Variants in TAB2 observed in about 807,000 individuals in gnomAD.
The protein encoded by TAB2 is TGF-beta-activated kinase 1 and MAP3K7-binding protein 2.
A neutral mutation model predicts 65.0 loss-of-function variants in TAB2; 3 were observed. The observed-to-expected ratio is 0.05, with a 90% CI of 0.02 to 0.12. TAB2 has a LOEUF of 0.12. Ranked by LOEUF, TAB2 falls within the 10% of genes least tolerant of loss-of-function variation. The probability of loss-of-function intolerance (pLI) is 1.00; values close to 1 mark genes in which losing one functional copy is unlikely to be tolerated. For synonymous variants in TAB2, 298 were observed against 285.1 expected (o/e 1.05, Z -0.46); for missense variants, 623 against 840.3 (o/e 0.74, Z 3.20).
chr6:149,299,250 G>A (rs1583071806), intron 1 of TAB2, among the ~76,000 whole-genome samples: 1 of 152,272 alleles, frequency 6.6e-6, no homozygotes, highest in South Asian at 2.1e-4. Context: ...GTGTCTATTG[G>A]CCACTGGTCT....
In TAB2 at chr6:149,236,944, A is replaced by G. The variant is rs183898635; in HGVS notation, c.-121+18168A>G. Among the ~76,000 whole-genome samples the G allele has an allele frequency of 1.2e-4, 18 of 152,320 alleles. No individual in the cohort carries two copies. The East Asian group carries it at 3.3e-3, about 28-fold the overall frequency. On this transcript the variant is annotated intron_variant, in intron 1 of 1. Coordinates refer to the TAB2 transcript ENST00000606202. The stretch of plus-strand genomic sequence containing the variant: ...TGTAAGACTGATATTTTGCTGCATT[A>G]TATTTGGTCCAACATGCCACAGCAG...
intron 1 of TAB2, among the ~76,000 whole-genome samples, chr6:149,305,218 G>T (rs1779043537): frequency 6.6e-6 from 1 of 152,134 alleles, no homozygotes; most frequent in East Asian, 1.9e-4. Context: ...TTTTGTCATG[G>T]ATAGAATGTC....
intron 1 of TAB2, among the ~76,000 whole-genome samples, chr6:149,286,194 A>G (rs1778673682): frequency 6.6e-6 from 1 of 152,230 alleles, no homozygotes; most frequent in Non-Finnish European, 1.5e-5. Context: ...TCATGGTCTT[A>G]AGATTTGCGA....
At chr6:149,332,003 C>G (rs550153419) in intron 1 of TAB2, among the ~76,000 whole-genome samples, 1 of 152,196 alleles carries the variant, frequency 6.6e-6, no homozygotes, top group East Asian at 1.9e-4. Flanking sequence ...GTTTCAAACT[C>G]TGTGTGGGAA....
chr6:149,273,450 C>T (rs1778401355), intron 1 of TAB2, among the ~76,000 whole-genome samples: 1 of 152,188 alleles, frequency 6.6e-6, no homozygotes, highest in Non-Finnish European at 1.5e-5. Flanking sequence ...CTGTCAGTGC[C>T]ATGCTCTGAG....
intron 1 of TAB2, among the ~76,000 whole-genome samples, chr6:149,281,300 G>A (rs1272638592): frequency 6.6e-6 from 1 of 151,996 alleles, no homozygotes; most frequent in Non-Finnish European, 1.5e-5. Context: ...GAACTGGTAC[G>A]ATATCCCTTG....
chr6:149,410,950 G>T lies in TAB2; in HGVS notation c.*1231G>T, dbSNP rs148113246. 22 of 152,510 alleles carry T rather than the reference G, an allele frequency of 1.4e-4. No individual in the cohort carries two copies. The highest frequency in any genetic ancestry group is 4.6e-4 in the African/African-American group (19 of 41,492). The allele number at this position is 152,510 out of a possible 1,614,324, so 9.4% of individuals were successfully genotyped here. A position where few individuals can be genotyped will look rare whatever the true frequency, so the allele number is the denominator to read the frequency against. ...GCAGTCCATTTCTAATCCTGACTTG[G>T]TGACAGTATCATGTGTATTTATAAA... is the stretch of plus-strand genomic sequence containing the variant. On this transcript the variant is annotated 3_prime_UTR_variant, in exon 7 of 7. Coordinates refer to ENST00000637181, the MANE Select transcript of TAB2 (RefSeq NM_001292034.3).
intron 1 of TAB2, among the ~76,000 whole-genome samples, chr6:149,339,104 G>A (rs556794820): frequency 2.0e-5 from 3 of 152,268 alleles, no homozygotes; most frequent in South Asian, 4.1e-4. Context: ...AGTGGCTCAC[G>A]CCTGTAATCC....
At chr6:149,403,313 T>TATATATACATAC (rs1298336581) in intron 6 of TAB2, among the ~76,000 whole-genome samples, 1 of 66,870 alleles carries the variant, frequency 1.5e-5, no homozygotes, top group African/African-American at 6.5e-5. Flanking sequence ...TATATATATA[T>TATATATACATAC]ACACACACAT....
intron 1 of TAB2, among the ~76,000 whole-genome samples, chr6:149,357,851 C>T (rs1027878134): frequency 9.9e-5 from 15 of 152,184 alleles, no homozygotes; most frequent in African/African-American, 3.6e-4. Flanking sequence ...AGGCATCCAC[C>T]CCTACGCCCG....
chr6:149,265,079 A>G (rs569569107), intron 1 of TAB2, among the ~76,000 whole-genome samples: 102 of 150,578 alleles, frequency 6.8e-4, no homozygotes, highest in South Asian at 4.2e-4. Context: ...TGATTTAGAC[A>G]AATTTAGTCT....
chr6:149,328,584 AC>A (rs1440500568), intron 1 of TAB2, among the ~76,000 whole-genome samples: 1 of 152,098 alleles, frequency 6.6e-6, no homozygotes. Flanking sequence ...GAGCCACCGC[AC>A]CCGGCCTCTA....
intron 1 of TAB2, among the ~76,000 whole-genome samples, chr6:149,340,631 G>A (rs1323613837): frequency 6.6e-6 from 1 of 152,090 alleles, no homozygotes; most frequent in Non-Finnish European, 1.5e-5. Context: ...TTTATCTGAA[G>A]TGGTTTTTTT....
chr6:149,271,185 G>A (rs891822097), intron 1 of TAB2, among the ~76,000 whole-genome samples: 3 of 152,018 alleles, frequency 2.0e-5, no homozygotes, highest in African/African-American at 7.3e-5. Context: ...TCCAGCCTGA[G>A]TGACAGAGTG....
chr6:149,379,525 T>C lies in TAB2; in HGVS notation c.1603+7T>C, dbSNP rs748367877. The C allele has an allele frequency of 1.4e-5, 22 of 1,613,878 alleles. No individual in the cohort carries two copies. The highest frequency in any genetic ancestry group is 1.8e-5 in the Non-Finnish European group (21 of 1,179,944). On this transcript the variant is annotated splice_region_variant and intron_variant, in intron 3 of 6. Transcript: ENST00000637181. ...GATGCTGCCTACACACAAGGTAATA[T>C]GAATACTAAAGGTGGGATGGTTTTC...
chr6:149,310,069 T>A (rs1779142532), intron 1 of TAB2, among the ~76,000 whole-genome samples: 1 of 143,710 alleles, frequency 7.0e-6, no homozygotes, highest in African/African-American at 2.7e-5. Flanking sequence ...CAGTGCCTCA[T>A]GCCTGAAATC....
intron 1 of TAB2, among the ~76,000 whole-genome samples, chr6:149,223,575 C>G (rs1379059609): frequency 1.3e-5 from 2 of 152,212 alleles, no homozygotes; most frequent in Non-Finnish European, 2.9e-5. Flanking sequence ...TGACAATTCT[C>G]TCAACTCCAG....
chr6:149,381,569 CTTT>C (rs557951574), intron 3 of TAB2, among the ~76,000 whole-genome samples: 7 of 95,552 alleles, frequency 7.3e-5, no homozygotes, highest in Admixed American at 1.2e-4. Context: ...CCCTCCTATT[CTTT>C]TTTTTTTTTT....
chr6:149,339,090 GCA>G (rs757697561), intron 1 of TAB2, among the ~76,000 whole-genome samples: 7 of 152,316 alleles, frequency 4.6e-5, no homozygotes, highest in South Asian at 2.1e-4. Flanking sequence ...ATATGACCGG[GCA>G]CAGTGGCTCA....
Sources: allele counts gnomAD v4.1 joint callset (sites outside exome capture counted in the v4.1 genomes callset), GRCh38; gene constraint gnomAD v4.1.1; transcripts MANE v1.5; gene names NCBI Gene and HGNC (gene_info 2026-07-23, HGNC 2026-07-21).